Variants in MGAT5 observed in about 807,000 individuals in gnomAD.
The protein encoded by MGAT5 is alpha-1,6-mannosylglycoprotein 6-beta-N-acetylglucosaminyltransferase A.
MGAT5 carries 30 observed loss-of-function variants against 94.3 expected under a neutral mutation model. The observed-to-expected ratio is 0.32, with a 90% CI of 0.24 to 0.43. MGAT5 has a LOEUF of 0.43. Among genes scored for constraint, MGAT5 ranks in the 20% least tolerant of loss-of-function variants. The pLI is 1.00. For missense variants in MGAT5, 691 were observed against 905.5 expected, an observed-to-expected ratio of 0.76 and a Z score of 3.04; for synonymous variants, 310 against 322.9, an observed-to-expected ratio of 0.96 and a Z score of 0.43.
chr2:134,392,904 T>C (rs1682496602), intron 10 of MGAT5, among the ~76,000 whole-genome samples: 1 of 149,886 alleles, frequency 6.7e-6, no homozygotes, highest in African/African-American at 2.5e-5. Flanking sequence ...AAGCCCTTGG[T>C]GAGGGATGGG....
chr2:134,287,437 C>A (rs1685081201), intron 2 of MGAT5, among the ~76,000 whole-genome samples: 1 of 152,036 alleles, frequency 6.6e-6, no homozygotes, highest in Admixed American at 6.6e-5. Flanking sequence ...ACTTTTCTTT[C>A]TTTGGTGTGA....
chr2:134,142,184 G>A (rs1223193063), intron 1 of MGAT5, among the ~76,000 whole-genome samples: 1 of 152,204 alleles, frequency 6.6e-6, no homozygotes, highest in Non-Finnish European at 1.5e-5. Context: ...TGAGTGCAAA[G>A]CTGTGCTGAG....
At chr2:134,173,766 A>T (rs1323299333) in intron 1 of MGAT5, among the ~76,000 whole-genome samples, 3 of 152,252 alleles carry the variant, frequency 2.0e-5, no homozygotes, top group Non-Finnish European at 2.9e-5. Flanking sequence ...TTCCCAGAGC[A>T]GCAGACTTAA....
At chr2:134,154,974 G>GCTAA (rs1687407097) in intron 1 of MGAT5, among the ~76,000 whole-genome samples, 1 of 152,148 alleles carries the variant, frequency 6.6e-6, no homozygotes, top group East Asian at 1.9e-4. Context: ...TTTCATCAAT[G>GCTAA]CTAACTCTTA....
intron 1 of MGAT5, among the ~76,000 whole-genome samples, chr2:134,167,195 G>A (rs1688002080): frequency 6.6e-6 from 1 of 152,164 alleles, no homozygotes; most frequent in African/African-American, 2.4e-5. Flanking sequence ...ATTAGGGGCG[G>A]GAGGGAAGGA....
At chr2:134,366,145 G>A (rs562172542) in intron 10 of MGAT5, among the ~76,000 whole-genome samples, 2 of 152,258 alleles carry the variant, frequency 1.3e-5, no homozygotes, top group South Asian at 4.1e-4. Flanking sequence ...TACCTCTGAG[G>A]CCATCTAATC....
intron 1 of MGAT5, among the ~76,000 whole-genome samples, chr2:134,221,035 AGCC>A (rs1204123723): frequency 6.6e-6 from 1 of 152,124 alleles, no homozygotes; most frequent in Non-Finnish European, 1.5e-5. Flanking sequence ...AACAGTTGAG[AGCC>A]CCACTCTTTC....
chr2:134,233,331 T>G (rs555515576), intron 1 of MGAT5, among the ~76,000 whole-genome samples: 1 of 152,342 alleles, frequency 6.6e-6, no homozygotes, highest in East Asian at 1.9e-4. Context: ...TTCAGACTTT[T>G]AGGTGCTGAC....
At chr2:134,194,314 G>A (rs1679388924) in intron 1 of MGAT5, among the ~76,000 whole-genome samples, 1 of 152,140 alleles carries the variant, frequency 6.6e-6, no homozygotes, top group Non-Finnish European at 1.5e-5. Context: ...TTCAACTTCT[G>A]CATTAGGTGG....
chr2:134,219,072 A>G (rs1558992938), intron 1 of MGAT5, among the ~76,000 whole-genome samples: 1 of 152,134 alleles, frequency 6.6e-6, no homozygotes, highest in Non-Finnish European at 1.5e-5. Flanking sequence ...GCCAGTAATT[A>G]GAGAATTTGA....
chr2:134,283,156 C>G (rs969110657), intron 2 of MGAT5, among the ~76,000 whole-genome samples: 7 of 152,144 alleles, frequency 4.6e-5, no homozygotes, highest in African/African-American at 1.7e-4. Flanking sequence ...CAGACTCAGG[C>G]TGCTGGGGTT....
At chr2:134,216,016 G>A (rs577735046) in intron 1 of MGAT5, among the ~76,000 whole-genome samples, 4 of 152,178 alleles carry the variant, frequency 2.6e-5, no homozygotes, top group East Asian at 1.9e-4. Context: ...GTCTTTAGAC[G>A]GTGACCTTAG....
chr2:134,265,012 C>T (rs1275472982), intron 1 of MGAT5, among the ~76,000 whole-genome samples: 3 of 152,186 alleles, frequency 2.0e-5, no homozygotes, highest in African/African-American at 4.8e-5. Flanking sequence ...CTTGGCTGTG[C>T]CCTAATCCTT....
At chr2:134,141,561 G>A (rs1374644192) in intron 1 of MGAT5, among the ~76,000 whole-genome samples, 1 of 152,094 alleles carries the variant, frequency 6.6e-6, no homozygotes, top group African/African-American at 2.4e-5. Context: ...AAATAAACAA[G>A]GTCTTCGGGG....
intron 1 of MGAT5, among the ~76,000 whole-genome samples, chr2:134,195,378 C>T (rs895598023): frequency 3.9e-5 from 6 of 152,156 alleles, no homozygotes; most frequent in Admixed American, 1.3e-4. Context: ...GTTCTGAAAT[C>T]GCCTTTCAGT....
intron 1 of MGAT5, among the ~76,000 whole-genome samples, chr2:134,164,521 T>C (rs1687875989): frequency 6.6e-6 from 1 of 152,130 alleles, no homozygotes; most frequent in Non-Finnish European, 1.5e-5. Context: ...TCTGTGGGGC[T>C]TGCTCTTGGG....
At position 134,422,823 on chromosome 2, in the gene MGAT5, C is replaced by A; in HGVS notation, c.1698C>A (p.Tyr566Ter). 1.2e-6 allele frequency: 2 copies of A among 1,613,818 alleles called. No homozygotes were observed. The highest frequency in any genetic ancestry group is 1.7e-6 in the Non-Finnish European group (2 of 1,179,768). ...TLRELTSQHP[Y>*]AEVFIGRPHV... ...TCCAGCTGACATCCCAGCATCCTTACGCTGAAGTTTTCATCGGGCGGCCAC... is the reference window on the plus strand; with the variant it reads ...TCCAGCTGACATCCCAGCATCCTTAAGCTGAAGTTTTCATCGGGCGGCCAC... Residue 566 changes from tyrosine to a stop codon, truncating the protein, a stop_gained, in exon 13 of 16, where the codon TAC becomes TAA. Coordinates refer to ENST00000281923, the MANE Select transcript of MGAT5 (RefSeq NM_002410.5). LOFTEE classifies it high-confidence loss of function.
At chr2:134,365,212 G>A (rs1680349811) in intron 10 of MGAT5, among the ~76,000 whole-genome samples, 1 of 152,158 alleles carries the variant, frequency 6.6e-6, no homozygotes, top group South Asian at 2.1e-4. Context: ...TTCCTGCTGT[G>A]CCATAAATCC....
chr2:134,192,497 A>G (rs1197528756), intron 1 of MGAT5, among the ~76,000 whole-genome samples: 4 of 152,138 alleles, frequency 2.6e-5, no homozygotes, highest in African/African-American at 9.7e-5. Context: ...AGTTTTGGGG[A>G]TGTAAATCAG....
Sources: allele counts gnomAD v4.1 joint callset (sites outside exome capture counted in the v4.1 genomes callset), GRCh38; gene constraint gnomAD v4.1.1; transcripts MANE v1.5; gene names NCBI Gene and HGNC (gene_info 2026-07-23, HGNC 2026-07-21).